COL8A1: variants seen among roughly 807,000 people sequenced by gnomAD.
COL8A1 encodes collagen alpha-1(VIII) chain.
Under a neutral mutation model 42.7 loss-of-function variants are expected in COL8A1, and 21 were observed. That is an observed-to-expected ratio of 0.49 (90% confidence interval 0.35 to 0.71). The LOEUF (loss-of-function observed/expected upper bound fraction) is 0.71, where lower values mean the gene tolerates loss of function less well. COL8A1 is among the 30% of genes least tolerant of loss of function. COL8A1 has a pLI of 0.01. For missense variants in COL8A1, 788 were observed against 962.4 expected (o/e 0.82, Z 2.40); for synonymous variants, 367 against 369.1 (o/e 0.99, Z 0.06).
Position 99,794,975 on chromosome 3 carries a change from C to G in COL8A1, c.1074C>G (p.Pro358=), listed in dbSNP as rs745993036. Residue 358 remains proline (P), a synonymous_variant, in exon 4 of 4, where the codon CCC becomes CCG. Coordinates refer to ENST00000652472, the MANE Select transcript of COL8A1 (RefSeq NM_020351.4). This position sits in a 1 kb window ranked among gnomAD's most constrained non-coding sequence, Gnocchi z 4.3. ...PGIGKPGFPG[P]KGDRGMGGVP... ...TTGGGAAACCAGGCTTCCCAGGACC[C>G]AAAGGTGACCGGGGCATGGGAGGTG... is the stretch of plus-strand genomic sequence containing the variant. 14 of 1,604,296 alleles carry G rather than the reference C, an allele frequency of 8.7e-6. No individual in the cohort carries two copies. The highest frequency in any genetic ancestry group is 1.1e-5 in the Non-Finnish European group (13 of 1,175,470).
intron 2 of COL8A1, among the ~76,000 whole-genome samples, chr3:99,754,055 G>C (rs1390114661): frequency 3.9e-5 from 6 of 151,998 alleles, no homozygotes; most frequent in Non-Finnish European, 7.4e-5. Flanking sequence ...TACAGATATG[G>C]GTCTGCAAAA....
At chr3:99,700,669 A>G (rs1306107714) in intron 1 of COL8A1, among the ~76,000 whole-genome samples, 3 of 152,082 alleles carry the variant, frequency 2.0e-5, no homozygotes, top group Admixed American at 2.0e-4. Flanking sequence ...TACCACCTTT[A>G]CCAAAATCTC....
At chr3:99,733,303 C>G (rs1282334770) in intron 1 of COL8A1, among the ~76,000 whole-genome samples, 2 of 147,270 alleles carry the variant, frequency 1.4e-5, no homozygotes, top group Non-Finnish European at 3.0e-5. Context: ...CCCCCCTCCC[C>G]ACACCCCACA....
chr3:99,777,506 T>C (rs1196521058), intron 2 of COL8A1, among the ~76,000 whole-genome samples: 2 of 152,186 alleles, frequency 1.3e-5, no homozygotes, highest in African/African-American at 4.8e-5. Flanking sequence ...GAGAACAAGA[T>C]GGCATTCTGC....
intron 2 of COL8A1, among the ~76,000 whole-genome samples, chr3:99,764,701 C>CT (rs10648559): frequency 0.27 from 33,396 of 124,454 alleles, 5,169 homozygotes; most frequent in Admixed American, 0.34. Context: ...TCTTTTTTTT[C>CT]TTTTTTTTTT....
At chr3:99,706,861 A>G (rs1939692874) in intron 1 of COL8A1, among the ~76,000 whole-genome samples, 1 of 152,224 alleles carries the variant, frequency 6.6e-6, no homozygotes, top group Non-Finnish European at 1.5e-5. Flanking sequence ...GGACATTCTC[A>G]TAGAGCACCC....
rs1199786124 is a variant in COL8A1 at position 99,714,925 on chromosome 3, A to T, written c.-128-29972A>T. ...TAGCTATTTTATTTAGGAATAATTT[A>T]AAAAATTGAAAGAATAATATTCTAA... On this transcript the variant is annotated intron_variant, in intron 1 of 3. Coordinates refer to ENST00000652472, the MANE Select transcript of COL8A1 (RefSeq NM_020351.4). 3.3e-5 allele frequency among the ~76,000 whole-genome samples: 5 copies of T among 152,126 alleles called. No individual in the cohort carries two copies. The East Asian group carries it at 5.8e-4, about 18-fold the overall frequency.
intron 1 of COL8A1, among the ~76,000 whole-genome samples, chr3:99,711,105 G>A (rs1169041884): frequency 8.6e-6 from 1 of 116,020 alleles, no homozygotes; most frequent in South Asian, 2.8e-4. Context: ...ACAATTCCAA[G>A]ACTATTTTCT....
rs557147760 is a variant in COL8A1 at position 99,773,782 on chromosome 3, T to C, written c.-3-16898T>C. On this transcript the variant is annotated intron_variant, in intron 2 of 3. Transcript: ENST00000652472. ...GAGAAATGATAGGTTAGAAAATGAA[T>C]AGATGGGTAAGTAGATGATTATATA... Among the ~76,000 whole-genome samples, 34 of 128,254 alleles carry C rather than the reference T, an allele frequency of 2.7e-4. 1 individual carries two copies. In the South Asian group the frequency reaches 8.3e-3, roughly 31 times the overall value. The allele number at this position is 128,254 out of a possible 152,430, so 84.1% of individuals were successfully genotyped here.
chr3:99,686,677 T>C (rs544469374), intron 1 of COL8A1, among the ~76,000 whole-genome samples: 1 of 152,256 alleles, frequency 6.6e-6, no homozygotes, highest in Non-Finnish European at 1.5e-5. Context: ...CTATAACTGC[T>C]CATCTCTTAT....
intron 1 of COL8A1, among the ~76,000 whole-genome samples, chr3:99,672,344 TG>T (rs1464003735): frequency 7.1e-4 from 108 of 152,136 alleles, no homozygotes; most frequent in African/African-American, 2.6e-3. Flanking sequence ...CCATGTCAAT[TG>T]GAACTACTCA....
At chr3:99,678,848 A>C (rs1220713197) in intron 1 of COL8A1, 6 of 152,348 alleles carry the variant, frequency 3.9e-5, no homozygotes, top group Admixed American at 3.9e-4. Context: ...AAGACAATTC[A>C]TTCAAAAACC....
chr3:99,674,800 T>G (rs956901451), intron 1 of COL8A1, among the ~76,000 whole-genome samples: 14 of 152,150 alleles, frequency 9.2e-5, no homozygotes, highest in African/African-American at 3.4e-4. Flanking sequence ...ACTTAATGAA[T>G]GCTACAGAGA....
intron 1 of COL8A1, among the ~76,000 whole-genome samples, chr3:99,682,090 G>A (rs193294931): frequency 4.6e-5 from 7 of 152,188 alleles, no homozygotes; most frequent in South Asian, 2.1e-4. Context: ...ATACAAATCC[G>A]AAGTTCTCCA....
rs544874003 is a variant in COL8A1 at position 99,703,144 on chromosome 3, G to C, written c.-128-41753G>C. Among the ~76,000 whole-genome samples the C allele has an allele frequency of 5.0e-4, 76 of 152,342 alleles. 1 individual carries two copies. The highest frequency in any genetic ancestry group is 9.8e-4 in the Admixed American group (15 of 15,304). On this transcript the variant is annotated intron_variant, in intron 1 of 3. Coordinates refer to ENST00000652472, the MANE Select transcript of COL8A1 (RefSeq NM_020351.4). Reference sequence around the variant, plus strand: ...TCACACTAATGAAGATAAGGAACTAGTGAGGGTATTGAGCAGAAAAGTGAT... The same window carrying C: ...TCACACTAATGAAGATAAGGAACTACTGAGGGTATTGAGCAGAAAAGTGAT...
intron 2 of COL8A1, among the ~76,000 whole-genome samples, chr3:99,773,977 TGGGATTACA>T (rs1941643078): frequency 6.7e-6 from 1 of 149,150 alleles, no homozygotes; most frequent in Non-Finnish European, 1.5e-5. Flanking sequence ...CCTGAGTAGC[TGGGATTACA>T]GGCGCCCACC....
intron 1 of COL8A1, among the ~76,000 whole-genome samples, chr3:99,737,809 C>T (rs1203852387): frequency 6.6e-6 from 1 of 151,922 alleles, no homozygotes; most frequent in Non-Finnish European, 1.5e-5. Context: ...TGGATAATAT[C>T]CTGCAGAGTG....
intron 2 of COL8A1, among the ~76,000 whole-genome samples, chr3:99,772,029 A>G (rs1357237327): frequency 6.6e-6 from 1 of 152,210 alleles, no homozygotes; most frequent in African/African-American, 2.4e-5. Context: ...GTTACTACCT[A>G]GCAAAGCCCA....
intron 1 of COL8A1, among the ~76,000 whole-genome samples, chr3:99,653,825 C>T (rs1328232975): frequency 2.0e-5 from 3 of 151,538 alleles, no homozygotes; most frequent in Non-Finnish European, 2.9e-5. Context: ...TGTCAGTGTA[C>T]CAGAGTCCTT....
Sources: gnomAD v4.1 joint callset for allele counts (sites outside exome capture counted in the v4.1 genomes callset) on GRCh38, gnomAD v4.1.1 for gene constraint, Gnocchi (gnomAD v3.1) non-coding constraint, MANE v1.5 for transcripts, NCBI Gene and HGNC (gene_info 2026-07-23, HGNC 2026-07-21) for gene names.